ZNF804A: variants seen among roughly 807,000 people sequenced by gnomAD.
ZNF804A encodes the protein zinc finger protein 804A.
A neutral mutation model predicts 16.5 loss-of-function variants in ZNF804A; 2 were observed. The ratio of observed to expected loss-of-function variants is 0.12; its 90% CI spans 0.05 to 0.38. The LOEUF (loss-of-function observed/expected upper bound fraction) is 0.38. ZNF804A is among the 10% of genes least tolerant of loss of function. ZNF804A has a pLI of 0.99. For missense variants in ZNF804A, 1,473 were observed against 1,390.7 expected, an observed-to-expected ratio of 1.06 and a Z score of -0.94; for synonymous variants, 534 against 489.6, an observed-to-expected ratio of 1.09 and a Z score of -1.20.
rs958645386 is a variant in ZNF804A, at chr2:184,868,005, A to G, written c.255+1493A>G. 3.9e-5 allele frequency among the ~76,000 whole-genome samples: 6 copies of G among 152,116 alleles called. No individual in the cohort carries two copies. The South Asian group carries it at 6.2e-4, about 16-fold the overall frequency. ...GGCTGTCTTGAAGATAAAACTTACT[A>G]AAGTTAGCCCAAGGGCATTTTCAGT... On this transcript the variant is annotated intron_variant, in intron 2 of 3. Coordinates refer to ENST00000302277, the MANE Select transcript of ZNF804A (RefSeq NM_194250.2).
At chr2:184,868,460 A>C (rs1015449941) in intron 2 of ZNF804A, among the ~76,000 whole-genome samples, 2 of 152,002 alleles carry the variant, frequency 1.3e-5, no homozygotes, top group Non-Finnish European at 2.9e-5. Flanking sequence ...GATATAGACA[A>C]TTCAGATGTT....
At chr2:184,876,123 A>C (rs1183807545) in intron 2 of ZNF804A, among the ~76,000 whole-genome samples, 3 of 152,170 alleles carry the variant, frequency 2.0e-5, no homozygotes, top group African/African-American at 7.2e-5. Flanking sequence ...GAGGAAGTCA[A>C]GGTCAGGCCA....
chr2:184,666,109 C>T (rs1402439997), intron 1 of ZNF804A, among the ~76,000 whole-genome samples: 1 of 152,162 alleles, frequency 6.6e-6, no homozygotes, highest in East Asian at 1.9e-4. Flanking sequence ...ACCACAGTTA[C>T]TTTCCAAAGG....
rs139024982 is a variant in ZNF804A at position 184,863,975 on chromosome 2, G to A, written c.112-2394G>A. ...ATTGACAAATTTGCTGAGAAATGGT[G>A]CATTACTTATTGAAATTGATGGAAT... On this transcript the variant is annotated intron_variant, in intron 1 of 3. Coordinates refer to ENST00000302277, the MANE Select transcript of ZNF804A (RefSeq NM_194250.2). 1.5e-4 allele frequency among the ~76,000 whole-genome samples: 23 copies of A among 152,202 alleles called. No individual in the cohort carries two copies. The East Asian group carries it at 4.3e-3, about 28-fold the overall frequency.
At chr2:184,730,702 T>C (rs1693499760) in intron 1 of ZNF804A, among the ~76,000 whole-genome samples, 1 of 152,170 alleles carries the variant, frequency 6.6e-6, no homozygotes, top group South Asian at 2.1e-4. Flanking sequence ...TGTGCCTTGA[T>C]ATCTCATTTC....
intron 1 of ZNF804A, among the ~76,000 whole-genome samples, chr2:184,802,040 G>A (rs1694734874): frequency 6.6e-6 from 1 of 152,124 alleles, no homozygotes; most frequent in African/African-American, 2.4e-5. Flanking sequence ...CACTCATTAG[G>A]TCGAGGCTGA....
intron 1 of ZNF804A, among the ~76,000 whole-genome samples, chr2:184,753,265 G>T (rs1018486151): frequency 6.6e-6 from 1 of 151,540 alleles, no homozygotes; most frequent in Non-Finnish European, 1.5e-5. Context: ...GAGGCTGGGG[G>T]GCGTTGCTTC....
intron 1 of ZNF804A, among the ~76,000 whole-genome samples, chr2:184,833,145 TATCTC>T (rs1695291386): frequency 6.6e-6 from 1 of 152,060 alleles, no homozygotes; most frequent in Admixed American, 6.6e-5. Context: ...CTCTCACACT[TATCTC>T]AGCAATGGGA....
At chr2:184,774,656 G>A (rs1291201233) in intron 1 of ZNF804A, among the ~76,000 whole-genome samples, 1 of 151,676 alleles carries the variant, frequency 6.6e-6, no homozygotes, top group East Asian at 1.9e-4. Flanking sequence ...AGTTGATGAA[G>A]CTTTTTGAAG....
At chr2:184,798,006 A>ATGTGTGTG (rs58199746) in intron 1 of ZNF804A, among the ~76,000 whole-genome samples, 2,433 of 133,294 alleles carry the variant, frequency 0.018, 33 homozygotes, top group South Asian at 0.021. Flanking sequence ...TGGCTGATAT[A>ATGTGTGTG]TGTGTGTGTG....
At chr2:184,874,673 A>T (rs1385981764) in intron 2 of ZNF804A, among the ~76,000 whole-genome samples, 1 of 152,082 alleles carries the variant, frequency 6.6e-6, no homozygotes, top group Admixed American at 6.6e-5. Flanking sequence ...TTAAAATAAA[A>T]TTTTCTATGA....
chr2:184,780,920 G>C (rs1297864874), intron 1 of ZNF804A, among the ~76,000 whole-genome samples: 1 of 151,630 alleles, frequency 6.6e-6, no homozygotes, highest in East Asian at 1.9e-4. Context: ...CTCTAGGGGT[G>C]GGTTAGTCTT....
At chr2:184,746,372 G>T (rs182252842) in intron 1 of ZNF804A, among the ~76,000 whole-genome samples, 2 of 150,792 alleles carry the variant, frequency 1.3e-5, no homozygotes, top group Admixed American at 1.3e-4. Flanking sequence ...GATTATATTC[G>T]CTACCACTAT....
intron 2 of ZNF804A, among the ~76,000 whole-genome samples, chr2:184,924,020 T>C (rs984838907): frequency 6.6e-6 from 1 of 151,792 alleles, no homozygotes; most frequent in Non-Finnish European, 1.5e-5. Context: ...TGTGTGTGTG[T>C]GTGTGTGTGT....
intron 1 of ZNF804A, among the ~76,000 whole-genome samples, chr2:184,698,191 A>G (rs191490159): frequency 2.0e-5 from 3 of 152,194 alleles, no homozygotes; most frequent in African/African-American, 7.2e-5. Flanking sequence ...ATCCTACTAC[A>G]TCATAATAAT....
intron 1 of ZNF804A, among the ~76,000 whole-genome samples, chr2:184,750,937 G>T (rs1693868513): frequency 6.6e-6 from 1 of 151,316 alleles, no homozygotes; most frequent in African/African-American, 2.4e-5. Context: ...GAGTACTTGT[G>T]TTTCTATATC....
At chr2:184,933,854 T>C in intron 3 of ZNF804A, 121 bp downstream of exon 3, 1 of 953,984 alleles carries the variant, frequency 1.0e-6, no homozygotes, top group South Asian at 1.9e-5. Context: ...GCACACATGT[T>C]TTCATGGCCT....
chr2:184,791,665 ACAGT>A lies in ZNF804A; in HGVS notation c.112-74701_112-74698del, dbSNP rs1193589750. ...GTTCCAAACCAGTGTTACATTTATT[ACAGT>A]CAATGAACATATGCTAACACATCAT... On this transcript the variant is annotated intron_variant, in intron 1 of 3. Coordinates refer to ENST00000302277, the MANE Select transcript of ZNF804A (RefSeq NM_194250.2). Among the ~76,000 whole-genome samples the A allele has an allele frequency of 7.2e-5, 11 of 152,266 alleles. No homozygotes were observed. In the East Asian group the frequency reaches 2.1e-3, roughly 29 times the overall value.
chr2:184,728,117 A>G (rs997756458), intron 1 of ZNF804A, among the ~76,000 whole-genome samples: 5 of 73,696 alleles, frequency 6.8e-5, no homozygotes, highest in Admixed American at 1.1e-4. Context: ...ATGAAAATCT[A>G]TTAAAAAATG....
Sources: allele counts gnomAD v4.1 joint callset (sites outside exome capture counted in the v4.1 genomes callset), GRCh38; gene constraint gnomAD v4.1.1; transcripts MANE v1.5; gene names NCBI Gene and HGNC (gene_info 2026-07-23, HGNC 2026-07-21).